TAF3: variants seen among roughly 807,000 people sequenced by gnomAD.
TAF3 encodes the protein TATA-box binding protein associated factor 3.
A neutral mutation model predicts 80.6 loss-of-function variants in TAF3; 7 were observed. The observed-to-expected ratio is 0.09, with a 90% CI of 0.05 to 0.16. TAF3 has a LOEUF of 0.16. TAF3 is among the 10% of genes least tolerant of loss of function. The probability of loss-of-function intolerance (pLI) is 1.00; values close to 1 mark genes in which losing one functional copy is unlikely to be tolerated. For synonymous variants in TAF3, 444 were observed against 446.1 expected, an observed-to-expected ratio of 1.00 and a Z score of 0.06; for missense variants, 921 against 1,140.2, an observed-to-expected ratio of 0.81 and a Z score of 2.77.
At chr10:7,949,583 T>A (rs758797584) in intron 2 of TAF3, among the ~76,000 whole-genome samples, 1 of 152,194 alleles carries the variant, frequency 6.6e-6, no homozygotes, top group African/African-American at 2.4e-5. Context: ...TCATTTTACA[T>A]AGAAGGAACA....
intron 2 of TAF3, among the ~76,000 whole-genome samples, chr10:7,885,862 A>G (rs75838269): frequency 6.6e-6 from 1 of 151,940 alleles, no homozygotes; most frequent in East Asian, 1.9e-4. Context: ...ATTATTTTTG[A>G]TTACCTGTTT....
intron 4 of TAF3, among the ~76,000 whole-genome samples, chr10:8,002,769 A>G (rs942822295): frequency 6.6e-6 from 1 of 152,166 alleles, no homozygotes; most frequent in Non-Finnish European, 1.5e-5. Flanking sequence ...TCAGTTATGC[A>G]GGGAGATAAA....
At chr10:7,854,257 C>T (rs1837057009) in intron 2 of TAF3, among the ~76,000 whole-genome samples, 1 of 152,204 alleles carries the variant, frequency 6.6e-6, no homozygotes, top group Non-Finnish European at 1.5e-5. Context: ...TCAGCCAACA[C>T]ATATTTGCAA....
At chr10:7,973,292 T>G (rs1028607815) in intron 3 of TAF3, among the ~76,000 whole-genome samples, 3 of 152,164 alleles carry the variant, frequency 2.0e-5, no homozygotes, top group Admixed American at 2.0e-4. Context: ...TAAAGGTAGG[T>G]CAAACAGCTT....
intron 2 of TAF3, among the ~76,000 whole-genome samples, chr10:7,868,677 C>G (rs967652626): frequency 1.3e-5 from 2 of 152,100 alleles, no homozygotes; most frequent in African/African-American, 4.8e-5. Flanking sequence ...ATAAATAGTA[C>G]CCACATAACA....
In TAF3 at chr10:7,898,316, G is replaced by A. The variant is rs541805151; in HGVS notation, c.410-65604G>A. Reference sequence around the variant, plus strand: ...AATCCCAGCACTTTGGGAGGCCAAGGTGGGTGGATCACCTGAGGTCAGGAG... The same window carrying A: ...AATCCCAGCACTTTGGGAGGCCAAGATGGGTGGATCACCTGAGGTCAGGAG... On this transcript the variant is annotated intron_variant, in intron 2 of 6. Transcript: ENST00000344293. Among the ~76,000 whole-genome samples, 3 of 152,236 alleles carry A rather than the reference G, an allele frequency of 2.0e-5. No homozygotes were observed. The South Asian group carries it at 6.2e-4, about 32-fold the overall frequency.
intron 1 of TAF3, among the ~76,000 whole-genome samples, chr10:7,824,101 T>G (rs1836717853): frequency 6.6e-6 from 1 of 152,204 alleles, no homozygotes; most frequent in South Asian, 2.1e-4. Flanking sequence ...TTCTGTGGTG[T>G]TCTGGCTAGT....
chr10:7,967,437 C>T (rs11255464), intron 3 of TAF3, among the ~76,000 whole-genome samples: 7,587 of 152,190 alleles, frequency 0.05, 287 homozygotes, highest in Admixed American at 0.11. Flanking sequence ...AAGAAAAGTC[C>T]CCCAGACCAC....
At chr10:7,984,941 C>A (rs1831762037) in intron 4 of TAF3, among the ~76,000 whole-genome samples, 1 of 152,228 alleles carries the variant, frequency 6.6e-6, no homozygotes, top group African/African-American at 2.4e-5. Flanking sequence ...CACTTAGGCA[C>A]TCTTTATTAC....
Position 7,965,175 on chromosome 10 carries a change from G to T in TAF3, c.1665G>T (p.Glu555Asp), listed in dbSNP as rs1332545772. ...EKDKNKDKSKEKDKVKEKEKD... is the reference protein window; with the variant it reads ...EKDKNKDKSKDKDKVKEKEKD... ...ACAAGAACAAGGACAAAAGTAAGGA[G>T]AAGGATAAAGTGAAAGAGAAAGAGA... The change falls in exon 3 of 7, where the codon GAG becomes GAT. Residue 555 changes from glutamate to aspartate, a missense_variant. Transcript: ENST00000344293. 1 of 1,608,794 alleles carries T rather than the reference G, an allele frequency of 6.2e-7. No homozygotes were observed. The highest frequency in any genetic ancestry group is 8.5e-7 in the Non-Finnish European group (1 of 1,178,754).
At chr10:7,844,360 TTTC>T (rs1400622653) in intron 2 of TAF3, among the ~76,000 whole-genome samples, 1 of 151,116 alleles carries the variant, frequency 6.6e-6, no homozygotes, top group African/African-American at 2.4e-5. Flanking sequence ...CACAGCAGCT[TTTC>T]TTCTTCTTCT....
chr10:7,894,777 T>C (rs1588542209), intron 2 of TAF3, among the ~76,000 whole-genome samples: 1 of 152,198 alleles, frequency 6.6e-6, no homozygotes, highest in East Asian at 1.9e-4. Context: ...TAAGACTTTA[T>C]TTAAATACAG....
chr10:7,923,145 A>G (rs1209930924), intron 2 of TAF3, among the ~76,000 whole-genome samples: 4 of 152,216 alleles, frequency 2.6e-5, no homozygotes, highest in South Asian at 2.1e-4. Context: ...GAACTCTCCA[A>G]TAGCAAAACC....
At chr10:7,997,519 C>A (rs1018126501) in intron 4 of TAF3, among the ~76,000 whole-genome samples, 2 of 152,214 alleles carry the variant, frequency 1.3e-5, no homozygotes, top group African/African-American at 4.8e-5. Context: ...CCAAGCAGCT[C>A]ATGACCCATT....
intron 2 of TAF3, among the ~76,000 whole-genome samples, chr10:7,918,236 G>T (rs1478328219): frequency 6.6e-6 from 1 of 152,138 alleles, no homozygotes; most frequent in East Asian, 1.9e-4. Flanking sequence ...ATGAAGGTTT[G>T]AAGAGAGACG....
chr10:7,833,382 T>C (rs1836821109), intron 2 of TAF3, among the ~76,000 whole-genome samples: 1 of 152,244 alleles, frequency 6.6e-6, no homozygotes, highest in Non-Finnish European at 1.5e-5. Context: ...TTCATCTTTT[T>C]TATAGCAGCC....
chr10:7,998,793 C>T (rs1330948200), intron 4 of TAF3, among the ~76,000 whole-genome samples: 2 of 150,306 alleles, frequency 1.3e-5, no homozygotes, highest in Non-Finnish European at 3.0e-5. Flanking sequence ...GAGCCGGGAT[C>T]GCGCCACTGC....
chr10:7,898,545 C>CAAAA (rs35137273), intron 2 of TAF3, among the ~76,000 whole-genome samples: 3 of 96,180 alleles, frequency 3.1e-5, no homozygotes, highest in African/African-American at 8.9e-5. Flanking sequence ...GACTCTGTCT[C>CAAAA]AAAAAAAAAA....
At chr10:7,960,336 C>G (rs1295314918) in intron 2 of TAF3, among the ~76,000 whole-genome samples, 1 of 152,112 alleles carries the variant, frequency 6.6e-6, no homozygotes, top group African/African-American at 2.4e-5. Context: ...TTTAGATGAG[C>G]TGAATGTGGT....
Sources: gnomAD v4.1 joint callset for allele counts (sites outside exome capture counted in the v4.1 genomes callset) on GRCh38, gnomAD v4.1.1 for gene constraint, MANE v1.5 for transcripts, NCBI Gene and HGNC (gene_info 2026-07-23, HGNC 2026-07-21) for gene names.